ARHGEF3: variants seen among roughly 807,000 people sequenced by gnomAD.
ARHGEF3 encodes the protein Rho guanine nucleotide exchange factor 3, also known as 59.8 kDA protein.
A neutral mutation model predicts 63.2 loss-of-function variants in ARHGEF3; 28 were observed. That is an observed-to-expected ratio of 0.44 (90% CI 0.33 to 0.61). ARHGEF3 has a LOEUF of 0.61. Among genes scored for constraint, ARHGEF3 ranks in the 20% least tolerant of loss-of-function variants. The probability of loss-of-function intolerance (pLI) is 0.03; values close to 1 mark genes in which losing one functional copy is unlikely to be tolerated. For missense variants in ARHGEF3, 533 were observed against 659.3 expected (o/e 0.81, Z 2.10); for synonymous variants, 266 against 254.2 (o/e 1.05, Z -0.44).
chr3:56,739,257 C>G (rs1241813833), intron 7 of ARHGEF3, among the ~76,000 whole-genome samples: 1 of 152,022 alleles, frequency 6.6e-6, no homozygotes, highest in Non-Finnish European at 1.5e-5. Context: ...GCCTCTTCTT[C>G]GTCACATTTA....
intron 1 of ARHGEF3, among the ~76,000 whole-genome samples, chr3:56,781,656 C>T (rs1388359341): frequency 6.6e-6 from 1 of 152,234 alleles, no homozygotes; most frequent in Non-Finnish European, 1.5e-5. Flanking sequence ...AAGAAACTAA[C>T]ACAGGTGGTG....
chr3:56,830,791 C>T (rs1167222016), intron 4 of ARHGEF3, among the ~76,000 whole-genome samples: 3 of 152,190 alleles, frequency 2.0e-5, no homozygotes, highest in Non-Finnish European at 4.4e-5. Context: ...CCGGCTGTTT[C>T]CTCTGCCACC....
intron 1 of ARHGEF3, among the ~76,000 whole-genome samples, chr3:57,058,241 C>T (rs1283930932): frequency 6.6e-6 from 1 of 152,212 alleles, no homozygotes; most frequent in African/African-American, 2.4e-5. Context: ...CCCTCAAGGG[C>T]CAATCTACAT....
Position 56,996,892 on chromosome 3 carries a change from T to TTTA in ARHGEF3, c.63-38004_63-38003insTAA, listed in dbSNP as rs1553801025. Among the ~76,000 whole-genome samples the TTTA allele has an allele frequency of 4.4e-3, 544 of 122,528 alleles. 3 individuals are homozygous for TTTA. Among genetic ancestry groups the TTTA allele is most frequent in the Non-Finnish European group, 7.2e-3 (419 of 58,522 alleles). The allele number at this position is 122,528 out of a possible 152,430, so 80.4% of individuals were successfully genotyped here. On this transcript the variant is annotated intron_variant, in intron 2 of 12. Coordinates refer to the ARHGEF3 transcript ENST00000338458. The stretch of plus-strand genomic sequence containing the variant: ...ACATTATTATTATTATTATTATTAT[T>TTTA]TTTTTTTTTTTTTGCAATTTGCTTA...
intron 3 of ARHGEF3, among the ~76,000 whole-genome samples, chr3:56,925,405 A>T (rs988335038): frequency 2.6e-5 from 4 of 152,224 alleles, no homozygotes; most frequent in African/African-American, 9.7e-5. Flanking sequence ...ACTCAAGTTC[A>T]GCTCACAGGA....
At chr3:57,002,462 CTATA>C in intron 2 of ARHGEF3, among the ~76,000 whole-genome samples, 1 of 38,686 alleles carries the variant, frequency 2.6e-5, no homozygotes, top group Non-Finnish European at 4.5e-5. Context: ...GTTCTAAGCA[CTATA>C]TATATATATA....
chr3:56,829,446 G>C (rs1261921501), intron 4 of ARHGEF3, among the ~76,000 whole-genome samples: 3 of 152,134 alleles, frequency 2.0e-5, no homozygotes, highest in Non-Finnish European at 4.4e-5. Context: ...GGCCCAGGTT[G>C]TTCAAAGCCC....
At chr3:56,775,262 T>C (rs116469188) in intron 1 of ARHGEF3, 24,915 of 1,294,550 alleles carry the variant, frequency 0.019, 281 homozygotes, top group Non-Finnish European at 0.021. Context: ...TTTCGTGAAT[T>C]TGGAATCCTG....
intron 4 of ARHGEF3, among the ~76,000 whole-genome samples, chr3:56,871,419 A>G (rs1194750003): frequency 6.6e-6 from 1 of 152,000 alleles, no homozygotes; most frequent in Non-Finnish European, 1.5e-5. Context: ...CAATGTGTAG[A>G]TGGGCATATG....
At chr3:56,795,438 GA>G (rs1225426824) in intron 1 of ARHGEF3, among the ~76,000 whole-genome samples, 2 of 152,104 alleles carry the variant, frequency 1.3e-5, no homozygotes, top group Non-Finnish European at 2.9e-5. Context: ...CCAGAAAGAA[GA>G]AAAAAGTCTA....
intron 2 of ARHGEF3, among the ~76,000 whole-genome samples, chr3:57,027,812 T>C (rs2107191161): frequency 6.6e-6 from 1 of 152,012 alleles, no homozygotes; most frequent in South Asian, 2.1e-4. Flanking sequence ...TGAGCCGAGA[T>C]CACGCCATTG....
intron 2 of ARHGEF3, among the ~76,000 whole-genome samples, chr3:56,980,413 G>C (rs1162011056): frequency 6.6e-6 from 1 of 152,272 alleles, no homozygotes; most frequent in South Asian, 2.1e-4. Context: ...GCTGTATGGG[G>C]ACTCAAAGTA....
intron 7 of ARHGEF3, among the ~76,000 whole-genome samples, chr3:56,737,868 G>C: frequency 6.6e-6 from 1 of 151,994 alleles, no homozygotes; most frequent in Non-Finnish European, 1.5e-5. Context: ...CAAATGGTTT[G>C]AATATCTTTT....
chr3:56,745,478 A>T lies in ARHGEF3; in HGVS notation c.613-16T>A. 6.2e-7 allele frequency: 1 copy of T among 1,611,080 alleles called. No individual in the cohort carries two copies. The highest frequency in any genetic ancestry group is 2.2e-5 in the East Asian group (1 of 44,834). ...GGCAAGGGAGCTAAGAAGGAAACAG[A>T]AAGAGAAGGTTGGAATGTCAAAATA... On this transcript the variant is annotated splice_polypyrimidine_tract_variant and intron_variant, in intron 6 of 9. Transcript: ENST00000296315.
chr3:56,936,316 C>T (rs11712478), intron 3 of ARHGEF3, among the ~76,000 whole-genome samples: 18,197 of 152,132 alleles, frequency 0.12, 1,321 homozygotes, highest in East Asian at 0.25. Context: ...AACTGACCCA[C>T]AAAGAGAAGT....
intron 1 of ARHGEF3, chr3:57,060,384 CA>C: frequency 6.6e-6 from 1 of 151,974 alleles, no homozygotes; most frequent in Non-Finnish European, 1.5e-5. Context: ...CTCGGGTTAT[CA>C]AAAAGGAGCT....
At chr3:56,985,553 A>C (rs6767459) in intron 2 of ARHGEF3, among the ~76,000 whole-genome samples, 116,839 of 152,208 alleles carry the variant, frequency 0.77, 45,900 homozygotes, top group Middle Eastern at 0.86. Context: ...GCTCTGCCAC[A>C]TTGGCTGTTC....
intron 3 of ARHGEF3, among the ~76,000 whole-genome samples, chr3:56,899,222 A>C (rs1326077752): frequency 6.6e-6 from 1 of 152,210 alleles, no homozygotes; most frequent in African/African-American, 2.4e-5. Flanking sequence ...TAGAAAGTCA[A>C]AGATGTGGAC....
intron 1 of ARHGEF3, among the ~76,000 whole-genome samples, chr3:57,048,595 G>A (rs1011320867): frequency 6.6e-6 from 1 of 152,130 alleles, no homozygotes; most frequent in Admixed American, 6.6e-5. Flanking sequence ...TGAGCTCTGT[G>A]TGCTCTCGGG....
Sources: allele counts gnomAD v4.1 joint callset (sites outside exome capture counted in the v4.1 genomes callset), GRCh38; gene constraint gnomAD v4.1.1; transcripts MANE v1.5; gene names NCBI Gene and HGNC (gene_info 2026-07-23, HGNC 2026-07-21).